MAD1L1: variants seen among roughly 807,000 people sequenced by gnomAD.
MAD1L1 encodes the protein mitotic arrest deficient 1 like 1, also known as mitotic spindle assembly checkpoint protein MAD1.
In MAD1L1, 95 loss-of-function variants were observed where a neutral mutation model predicts 96.9. The observed-to-expected ratio is 0.98, with a 90% confidence interval of 0.83 to 1.16. MAD1L1 has a LOEUF of 1.16. Among genes scored for constraint, MAD1L1 ranks in the 50% most tolerant of loss-of-function variants. The pLI, the probability that MAD1L1 is intolerant of heterozygous loss-of-function variation, is 0.00. For synonymous variants in MAD1L1, 473 were observed against 396.6 expected (o/e 1.19, Z -2.29); for missense variants, 1,007 against 954.4 (o/e 1.06, Z -0.73).
chr7:2,229,873 C>T (rs141747039), intron 3 of MAD1L1, 111 bp downstream of exon 3: 566 of 1,188,770 alleles, frequency 4.8e-4, no homozygotes, highest in Non-Finnish European at 5.3e-4. Context: ...GAATAGCTGT[C>T]TCTAGGCTCT....
At chr7:2,084,938 G>A (rs890094448) in intron 11 of MAD1L1, among the ~76,000 whole-genome samples, 5 of 152,158 alleles carry the variant, frequency 3.3e-5, no homozygotes, top group South Asian at 2.1e-4. Flanking sequence ...TGCCGTCATC[G>A]TTTCCTGAAC....
intron 11 of MAD1L1, among the ~76,000 whole-genome samples, chr7:2,072,634 T>TG (rs1196907667): frequency 1.3e-5 from 2 of 152,214 alleles, no homozygotes. Flanking sequence ...CACGGCTCCG[T>TG]GTGGTCATTT....
intron 18 of MAD1L1, among the ~76,000 whole-genome samples, chr7:1,825,024 C>T (rs548872914): frequency 3.3e-5 from 5 of 152,146 alleles, no homozygotes; most frequent in African/African-American, 4.8e-5. Flanking sequence ...ATGTTAATGG[C>T]GGTTAACTCG....
At chr7:1,912,795 G>T (rs1583759927) in intron 17 of MAD1L1, among the ~76,000 whole-genome samples, 1 of 152,336 alleles carries the variant, frequency 6.6e-6, no homozygotes, top group East Asian at 1.9e-4. Flanking sequence ...CGTGACCACA[G>T]AACACGGCCA....
At chr7:2,214,805 G>A (rs1793174196) in intron 9 of MAD1L1, among the ~76,000 whole-genome samples, 3 of 152,208 alleles carry the variant, frequency 2.0e-5, no homozygotes, top group African/African-American at 7.2e-5. Flanking sequence ...AACTGCCGCG[G>A]TGAAGACAGA....
chr7:1,842,996 G>C (rs1583525235), intron 18 of MAD1L1, among the ~76,000 whole-genome samples: 1 of 152,230 alleles, frequency 6.6e-6, no homozygotes. Flanking sequence ...GGGGCTGCTG[G>C]TACTGAAATG....
chr7:1,855,560 C>G (rs767708838), intron 18 of MAD1L1, among the ~76,000 whole-genome samples: 1 of 152,012 alleles, frequency 6.6e-6, no homozygotes, highest in Non-Finnish European at 1.5e-5. Flanking sequence ...CCAGCCCAGC[C>G]CAGCTCCACC....
At chr7:1,871,693 AACACCT>A in intron 18 of MAD1L1, among the ~76,000 whole-genome samples, 1 of 145,330 alleles carries the variant, frequency 6.9e-6, no homozygotes, top group East Asian at 2.1e-4. Flanking sequence ...AACCCAACAT[AACACCT>A]GCCACGCTGA....
At chr7:1,952,659 G>A (rs1779553113) in intron 16 of MAD1L1, among the ~76,000 whole-genome samples, 1 of 152,294 alleles carries the variant, frequency 6.6e-6, no homozygotes, top group East Asian at 1.9e-4. Flanking sequence ...CTGCAGAGCT[G>A]CCCTCCCGTG....
chr7:2,088,334 G>A lies in MAD1L1; in HGVS notation c.1074-18996C>T, dbSNP rs544955174. Among the ~76,000 whole-genome samples, 5 of 152,234 alleles carry A rather than the reference G, an allele frequency of 3.3e-5. No individual in the cohort carries two copies. Among genetic ancestry groups the A allele is most frequent in the Non-Finnish European group, 5.9e-5 (4 of 68,008 alleles). ...ATCTGGTTACCAGCACGGTGGTCTC[G>A]TGCTACCCTGGTTCCGTGTCGGCGC... On this transcript the variant is annotated intron_variant, in intron 11 of 18. Coordinates refer to ENST00000265854, the MANE Select transcript of MAD1L1 (RefSeq NM_001013836.2). The surrounding 1 kb of genome is among the most constrained non-coding windows in gnomAD (Gnocchi z 4.4).
intron 15 of MAD1L1, among the ~76,000 whole-genome samples, chr7:1,979,832 C>A (rs922056667): frequency 6.6e-6 from 1 of 152,216 alleles, no homozygotes. Flanking sequence ...GCCATGCAGC[C>A]CCTGCGGCTG....
chr7:1,854,992 C>G (rs1784171270), intron 18 of MAD1L1, among the ~76,000 whole-genome samples: 1 of 152,216 alleles, frequency 6.6e-6, no homozygotes, highest in South Asian at 2.1e-4. Flanking sequence ...GCGCCCACCG[C>G]TGGCAGAGCT....
chr7:2,068,639 C>T (rs528515902), intron 12 of MAD1L1, among the ~76,000 whole-genome samples: 1 of 152,238 alleles, frequency 6.6e-6, no homozygotes, highest in East Asian at 1.9e-4. Context: ...AATTTCAGTG[C>T]CCAAGGAACA....
intron 12 of MAD1L1, among the ~76,000 whole-genome samples, chr7:2,060,467 GTCGAGATATGCCAATA>G (rs1784608908): frequency 6.6e-6 from 1 of 152,102 alleles, no homozygotes; most frequent in African/African-American, 2.4e-5. Flanking sequence ...TAACGCTGAT[GTCGAGATATGCCAATA>G]TCGAGATAAT....
intron 17 of MAD1L1, among the ~76,000 whole-genome samples, chr7:1,917,179 G>C (rs1164892060): frequency 6.6e-6 from 1 of 152,228 alleles, no homozygotes; most frequent in Non-Finnish European, 1.5e-5. Context: ...CACACGGACA[G>C]AACAGTGTGG....
chr7:1,963,488 A>T (rs1172592213), intron 15 of MAD1L1, among the ~76,000 whole-genome samples: 1 of 152,140 alleles, frequency 6.6e-6, no homozygotes, highest in Non-Finnish European at 1.5e-5. Flanking sequence ...TTGAATATGA[A>T]TGTGGTAACG....
In MAD1L1 at chr7:2,022,939, G is replaced by C. The variant is rs148674882; in HGVS notation, c.1219-8297C>G. On this transcript the variant is annotated intron_variant, in intron 12 of 18. Coordinates refer to ENST00000265854, the MANE Select transcript of MAD1L1 (RefSeq NM_001013836.2). ...GCAGAACAAGGAAACGATCAGGAAT[G>C]AAAAATGGCACTCCATTCCGATAAA... 8.0e-3 allele frequency among the ~76,000 whole-genome samples: 1,211 copies of C among 152,324 alleles called. 12 individuals are homozygous for C. The highest frequency in any genetic ancestry group is 9.8e-3 in the Non-Finnish European group (669 of 68,026).
chr7:2,066,468 A>T (rs1176273121), intron 12 of MAD1L1, among the ~76,000 whole-genome samples: 1 of 152,242 alleles, frequency 6.6e-6, no homozygotes, highest in Non-Finnish European at 1.5e-5. Context: ...CAACCAGTCC[A>T]TGCCCGGCGA....
At chr7:1,877,861 C>A (rs1361677062) in intron 18 of MAD1L1, among the ~76,000 whole-genome samples, 3 of 151,916 alleles carry the variant, frequency 2.0e-5, no homozygotes, top group South Asian at 2.1e-4. Context: ...TGCGTATGTA[C>A]CCCAAAATAG....
Sources: allele counts gnomAD v4.1 joint callset (sites outside exome capture counted in the v4.1 genomes callset), GRCh38; gene constraint gnomAD v4.1.1; non-coding constraint Gnocchi (gnomAD v3.1); transcripts MANE v1.5; gene names NCBI Gene and HGNC (gene_info 2026-07-23, HGNC 2026-07-21).